PACRG: variants seen among roughly 807,000 people sequenced by gnomAD.
PACRG encodes parkin coregulated, also known as parkin coregulated gene protein.
A neutral mutation model predicts 29.7 loss-of-function variants in PACRG; 29 were observed. That is an observed-to-expected ratio of 0.98 (90% CI 0.73 to 1.33). PACRG has a LOEUF of 1.33. Among genes scored for constraint, PACRG ranks in the 40% most tolerant of loss-of-function variants. PACRG has a pLI of 0.00. For missense variants in PACRG, 279 were observed against 316.2 expected, an observed-to-expected ratio of 0.88 and a Z score of 0.89; for synonymous variants, 116 against 118.7, an observed-to-expected ratio of 0.98 and a Z score of 0.15.
At position 162,747,380 on chromosome 6, in the gene PACRG, GTATATATATGTA is replaced by G. The variant is rs1385635265; in HGVS notation, c.156+19011_156+19022del. 3.5e-4 allele frequency among the ~76,000 whole-genome samples: 8 copies of G among 23,006 alleles called. 3 individuals are homozygous for G. In the East Asian group the frequency reaches 3.9e-3, roughly 11 times the overall value. 15.1% of individuals were successfully genotyped at this position (23,006 alleles called of 152,430 possible). A position where few individuals can be genotyped will look rare whatever the true frequency, so the allele number is the denominator to read the frequency against. On this transcript the variant is annotated intron_variant, in intron 1 of 4. Coordinates refer to ENST00000366888, the MANE Select transcript of PACRG (RefSeq NM_001080379.2). Reference sequence around the variant, plus strand: ...TATATATATACACATACATATATATGTATATATATGTATATATATATGTATATATATATATAA... The same window carrying G: ...TATATATATACACATACATATATATGTATATATATGTATATATATATATAA...
At chr6:163,176,643 G>A (rs536300075) in intron 4 of PACRG, among the ~76,000 whole-genome samples, 16 of 152,186 alleles carry the variant, frequency 1.1e-4, no homozygotes, top group Non-Finnish European at 1.8e-4. Context: ...CAAAGTTAAC[G>A]TATGTGGTAG....
intron 1 of PACRG, among the ~76,000 whole-genome samples, chr6:162,792,475 T>C (rs1231095140): frequency 6.6e-6 from 1 of 152,090 alleles, no homozygotes; most frequent in Non-Finnish European, 1.5e-5. Context: ...CAATTATTTG[T>C]CAGAAACCTG....
At chr6:162,971,195 A>C (rs1584906653) in intron 2 of PACRG, among the ~76,000 whole-genome samples, 1 of 152,238 alleles carries the variant, frequency 6.6e-6, no homozygotes, top group African/African-American at 2.4e-5. Flanking sequence ...AAAATAAAGA[A>C]TCAGACAACG....
At chr6:162,983,551 C>G (rs879471632) in intron 2 of PACRG, among the ~76,000 whole-genome samples, 15 of 133,642 alleles carry the variant, frequency 1.1e-4, no homozygotes, top group Admixed American at 6.3e-4. Context: ...AAGACTTTAT[C>G]TCTCTTTCAT....
intron 2 of PACRG, chr6:163,060,735 T>A (rs1811028002): frequency 6.6e-6 from 1 of 152,018 alleles, no homozygotes. Flanking sequence ...GAAATTTGAT[T>A]CACCCCAACC....
Position 162,795,414 on chromosome 6 carries a change from G to T in PACRG, c.157-18733G>T, listed in dbSNP as rs143627734. Among the ~76,000 whole-genome samples the T allele has an allele frequency of 6.7e-3, 1,020 of 152,238 alleles. 9 individuals are homozygous for T. The highest frequency in any genetic ancestry group is 0.023 in the African/African-American group (969 of 41,514). On this transcript the variant is annotated intron_variant, in intron 1 of 4. Coordinates refer to ENST00000366888, the MANE Select transcript of PACRG (RefSeq NM_001080379.2). Reference sequence around the variant, plus strand: ...TGGCTAACCAGATGTCCCAACACCAGTTAATGAATCGTCCATGTTTCCCCA... The same window carrying T: ...TGGCTAACCAGATGTCCCAACACCATTTAATGAATCGTCCATGTTTCCCCA...
chr6:163,040,293 T>A (rs1808572223), intron 2 of PACRG, among the ~76,000 whole-genome samples: 1 of 152,222 alleles, frequency 6.6e-6, no homozygotes, highest in Admixed American at 6.5e-5. Context: ...TGCCTAGATT[T>A]CAGAGGCTGT....
intron 4 of PACRG, among the ~76,000 whole-genome samples, chr6:163,293,642 G>A (rs866496972): frequency 1.3e-5 from 2 of 152,160 alleles, no homozygotes; most frequent in South Asian, 2.1e-4. Context: ...ATAAAGAATC[G>A]GGGAATTAAG....
At chr6:162,841,799 T>C (rs1172005433) in intron 2 of PACRG, among the ~76,000 whole-genome samples, 2 of 152,154 alleles carry the variant, frequency 1.3e-5, no homozygotes, top group Non-Finnish European at 1.5e-5. Flanking sequence ...TGTTGTATCT[T>C]TGTTCTCGTT....
intron 2 of PACRG, among the ~76,000 whole-genome samples, chr6:162,929,993 A>T (rs1323487261): frequency 6.6e-6 from 1 of 151,888 alleles, no homozygotes; most frequent in African/African-American, 2.4e-5. Flanking sequence ...TTCGTAATAT[A>T]TATTGAATCT....
At chr6:163,149,861 C>T (rs1428781074) in intron 4 of PACRG, among the ~76,000 whole-genome samples, 1 of 152,208 alleles carries the variant, frequency 6.6e-6, no homozygotes, top group East Asian at 1.9e-4. Context: ...CTCCCGTTGG[C>T]TTACGGAAAG....
chr6:162,793,596 A>G (rs1320932153), intron 1 of PACRG, among the ~76,000 whole-genome samples: 1 of 152,230 alleles, frequency 6.6e-6, no homozygotes, highest in East Asian at 1.9e-4. Context: ...AGGAATTGAC[A>G]TGTGCATCTG....
At chr6:163,111,158 C>T (rs1442601159) in intron 4 of PACRG, among the ~76,000 whole-genome samples, 1 of 152,210 alleles carries the variant, frequency 6.6e-6, no homozygotes, top group Non-Finnish European at 1.5e-5. Flanking sequence ...TGCCCAAGAA[C>T]AGGAAGACCT....
At chr6:162,826,875 C>T (rs1466898538) in intron 2 of PACRG, among the ~76,000 whole-genome samples, 1 of 152,138 alleles carries the variant, frequency 6.6e-6, no homozygotes, top group African/African-American at 2.4e-5. Context: ...AGCATTAACC[C>T]TTCCAATGGA....
intron 2 of PACRG, among the ~76,000 whole-genome samples, chr6:162,922,139 G>A (rs1797107108): frequency 6.6e-6 from 1 of 151,698 alleles, no homozygotes; most frequent in Non-Finnish European, 1.5e-5. Flanking sequence ...AATTGCACCC[G>A]GGGTCTCTTA....
At chr6:163,218,053 C>T (rs940906857) in intron 4 of PACRG, among the ~76,000 whole-genome samples, 1 of 152,120 alleles carries the variant, frequency 6.6e-6, no homozygotes, top group Non-Finnish European at 1.5e-5. Flanking sequence ...AAGGCTGGGG[C>T]CCCTGCCCTA....
chr6:162,749,144 T>C (rs1781322454), intron 1 of PACRG, among the ~76,000 whole-genome samples: 1 of 152,230 alleles, frequency 6.6e-6, no homozygotes, highest in South Asian at 2.1e-4. Context: ...TTTATATGGA[T>C]ATAGCATACT....
intron 2 of PACRG, among the ~76,000 whole-genome samples, chr6:162,832,428 G>A (rs1331657878): frequency 6.6e-6 from 1 of 152,038 alleles, no homozygotes; most frequent in East Asian, 1.9e-4. Context: ...TGCCTTATCA[G>A]TGCTCCAATC....
intron 1 of PACRG, among the ~76,000 whole-genome samples, chr6:162,755,865 T>A (rs1562565353): frequency 1.3e-5 from 2 of 152,200 alleles, no homozygotes; most frequent in Non-Finnish European, 2.9e-5. Flanking sequence ...TGTCACAAAA[T>A]GTTTTTTTTT....
Sources: gnomAD v4.1 joint callset for allele counts (sites outside exome capture counted in the v4.1 genomes callset) on GRCh38, gnomAD v4.1.1 for gene constraint, MANE v1.5 for transcripts, NCBI Gene and HGNC (gene_info 2026-07-23, HGNC 2026-07-21) for gene names.